CDAN1: variants seen among roughly 807,000 people sequenced by gnomAD.
CDAN1 encodes the protein codanin 1, also known as codanin-1.
In CDAN1, 107 loss-of-function variants were observed where a neutral mutation model predicts 139.8. The observed-to-expected ratio is 0.77, with a 90% confidence interval of 0.65 to 0.90. The LOEUF is 0.90. Among genes scored for constraint, CDAN1 ranks in the 40% least tolerant of loss-of-function variants. The pLI is 0.00. For synonymous variants in CDAN1, 776 were observed against 660.6 expected (o/e 1.17, Z -2.68); for missense variants, 1,667 against 1,575.7 (o/e 1.06, Z -0.98).
chr15:42,730,882 G>C (rs777055671), intron 13 of CDAN1, 43 bp downstream of exon 13: 1 of 1,613,928 alleles, frequency 6.2e-7, no homozygotes, highest in Non-Finnish European at 8.5e-7. Flanking sequence ...TGCCTGGCCG[G>C]TCCTCCCTGC....
chr15:42,735,179 C>G lies in CDAN1; in HGVS notation c.1058-1G>C. The G allele has an allele frequency of 6.2e-7, 1 of 1,613,128 alleles. No homozygotes were observed. Among genetic ancestry groups the G allele is most frequent in the Non-Finnish European group, 8.5e-7 (1 of 1,179,120 alleles). ...TGGAACAGTGGACTTTCCAGGGAAT[C>G]TAGAAGGACAGTACCAAGCTGTCAG... On this transcript the variant is annotated splice_acceptor_variant, in intron 5 of 27. Transcript: ENST00000356231. LOFTEE classifies it high-confidence loss of function.
intron 23 of CDAN1, 48 bp from the exon 24 acceptor site, chr15:42,726,465 C>A: frequency 6.9e-7 from 1 of 1,450,302 alleles, no homozygotes; most frequent in African/African-American, 1.4e-5. Context: ...GGCCAGGATG[C>A]CACAGAGAAT....
chr15:42,727,924 G>T, intron 22 of CDAN1, 31 bp downstream of exon 22: 1 of 1,609,278 alleles, frequency 6.2e-7, no homozygotes, highest in Non-Finnish European at 8.5e-7. Context: ...TTAAACACTT[G>T]ATTCAGCCAC....
chr15:42,733,331 A>G (rs1376945518), intron 8 of CDAN1, 145 bp from the exon 9 acceptor site: 3 of 725,536 alleles, frequency 4.1e-6, no homozygotes, highest in Admixed American at 2.0e-5. Context: ...CTGGATTGCA[A>G]TGACGCGATC....
intron 23 of CDAN1, 61 bp downstream of exon 23, chr15:42,727,560 A>G: frequency 7.0e-7 from 1 of 1,431,624 alleles, no homozygotes; most frequent in Non-Finnish European, 9.3e-7. Flanking sequence ...GAAAGGAAAA[A>G]CCAGGAACAG....
rs1021562520 is a variant in CDAN1, at chr15:42,731,068, C to T, written c.1864G>A (p.Glu622Lys). 4 of 1,614,204 alleles carry T rather than the reference C, an allele frequency of 2.5e-6. No individual in the cohort carries two copies. The Admixed American group carries it at 5.0e-5, about 20-fold the overall frequency. Reference protein sequence around the residue: ...DGESDVDWQGERKQFAVVLLS... With the variant: ...DGESDVDWQGKRKQFAVVLLS... ...AGCACCACAGCAAATTGCTTCCGCT[C>T]ACCCTGCATGGAATCAAGGGAAGTA... Residue 622 changes from glutamate (E) to lysine (K), a missense_variant, in exon 13 of 28, where the codon GAG (glutamate) becomes AAG (lysine). This residue lies in a region of CDAN1 where 936 missense variants were observed against 844.1 expected (regional missense o/e 1.11). Coordinates refer to ENST00000356231, the MANE Select transcript of CDAN1 (RefSeq NM_138477.4).
At chr15:42,729,479 A>G (rs2061580120) in intron 17 of CDAN1, 89 bp downstream of exon 17, 35 of 1,600,906 alleles carry the variant, frequency 2.2e-5, no homozygotes, top group Non-Finnish European at 3.0e-5. Flanking sequence ...TGAACGGAGC[A>G]ATATCCAAGG....
In CDAN1 at chr15:42,736,482, T is replaced by C. The variant is rs2061689849; in HGVS notation, c.389A>G (p.Glu130Gly). 1.4e-6 allele frequency: 2 copies of C among 1,464,460 alleles called. No individual in the cohort carries two copies. The highest frequency in any genetic ancestry group is 5.2e-5 in the Admixed American group (2 of 38,258). 90.7% of individuals were successfully genotyped at this position (1,464,460 alleles called of 1,614,324 possible). A position where few individuals can be genotyped will look rare whatever the true frequency, so the allele number is the denominator to read the frequency against. Residue 130 changes from glutamate (E) to glycine (G), a missense_variant, in exon 2 of 28, where the codon GAG becomes GGG. Physicochemically the swap from Glu to Gly is moderately conservative, Grantham distance 98 (BLOSUM62 -2). Around this residue, in one of 3 missense-constraint regions of CDAN1, gnomAD observed 487 missense variants for 422.2 expected, o/e 1.15. Transcript: ENST00000356231. ...CTCCTCCAGGCCGCGGCCTCCACGC[T>C]CGCGGGCCGGCCCCGGGCCCCGCCT... ...GRRRGPGPAR[E>G]RGGRGLEEGV...
chr15:42,732,432 A>C (rs372236416), intron 9 of CDAN1, 24 bp from the exon 10 acceptor site: 2 of 1,606,370 alleles, frequency 1.2e-6, no homozygotes, highest in African/African-American at 2.7e-5. Context: ...GGCAGGAATG[A>C]AGGGTGTGGA....
chr15:42,731,196 G>C lies in CDAN1; in HGVS notation c.1860+15C>G, dbSNP rs1566984763. 1 of 1,614,126 alleles carries C rather than the reference G, an allele frequency of 6.2e-7. No homozygotes were observed. On this transcript the variant is annotated intron_variant, in intron 12 of 27. Transcript: ENST00000356231. ...TGGGTCAGACCCCATTATTTCCCTTGTTCTGTTTTCGGACCTGCCAGTCTA... is the reference window on the plus strand; with the variant it reads ...TGGGTCAGACCCCATTATTTCCCTTCTTCTGTTTTCGGACCTGCCAGTCTA...
chr15:42,733,077 G>T lies in CDAN1; in HGVS notation c.1457+20C>A. On this transcript the variant is annotated intron_variant, in intron 9 of 27. Transcript: ENST00000356231. ...GCTACTCATTGCCAGGAACAAGAAA[G>T]ACAAGGTCTGAGCACCCACCTGATT... The T allele has an allele frequency of 6.2e-7, 1 of 1,611,474 alleles. No homozygotes were observed. Among genetic ancestry groups the T allele is most frequent in the Non-Finnish European group, 8.5e-7 (1 of 1,177,646 alleles).
chr15:42,728,163 AACTGCCTG>A (rs1456240932), intron 21 of CDAN1, 33 bp downstream of exon 21: 1 of 1,609,804 alleles, frequency 6.2e-7, no homozygotes, highest in African/African-American at 1.3e-5. Flanking sequence ...ACCTCCCCAC[AACTGCCTG>A]GCCTGCTAGC....
chr15:42,727,881 CA>C (rs2061552897), intron 22 of CDAN1, 73 bp downstream of exon 22: 1 of 1,599,624 alleles, frequency 6.3e-7, no homozygotes, highest in Non-Finnish European at 8.6e-7. Context: ...CCATCGCCCA[CA>C]AGATGCCTCT....
At chr15:42,725,275 G>A in intron 26 of CDAN1, 24 bp from the exon 27 acceptor site, 1 of 1,604,824 alleles carries the variant, frequency 6.2e-7, no homozygotes, top group Non-Finnish European at 8.5e-7. Context: ...CGAGGTCAGG[G>A]TTGCTAGGAG....
At chr15:42,735,228 C>T in intron 5 of CDAN1, 33 bp downstream of exon 5, 1 of 1,600,234 alleles carries the variant, frequency 6.2e-7, no homozygotes. Flanking sequence ...CGTTTCTAGA[C>T]CCCATGTCTC....
At position 42,736,745 on chromosome 15, in the gene CDAN1, G is replaced by C. The variant is rs754222678; in HGVS notation, c.126C>G (p.Leu42=). The change falls in exon 2 of 28, where the codon CTC becomes CTG. Residue 42 remains leucine (L), a synonymous_variant. Coordinates refer to ENST00000356231, the MANE Select transcript of CDAN1 (RefSeq NM_138477.4). The part of the protein sequence containing the change: ...NAGEAAALSS[L]RALRKEFVPF... Reference sequence around the variant, plus strand: ...GTACGAATTCTTTCCGCAGGGCCCGGAGTGAGCTCAGCGCGGCCGCCTCCC... The same window carrying C: ...GTACGAATTCTTTCCGCAGGGCCCGCAGTGAGCTCAGCGCGGCCGCCTCCC... The C allele has an allele frequency of 6.4e-7, 1 of 1,556,998 alleles. No homozygotes were observed. Among genetic ancestry groups the C allele is most frequent in the Non-Finnish European group, 8.6e-7 (1 of 1,156,412 alleles).
intron 6 of CDAN1, among the ~76,000 whole-genome samples, chr15:42,734,855 G>A (rs1041075237): frequency 2.1e-5 from 3 of 145,372 alleles, no homozygotes; most frequent in Admixed American, 1.4e-4. Context: ...CTGGGCCTAA[G>A]TCACTGTCCT....
rs1399552072 is a variant in CDAN1, at chr15:42,726,399, C to T, written c.3115G>A (p.Val1039Met). The T allele has an allele frequency of 8.8e-6, 14 of 1,596,068 alleles. No homozygotes were observed. The highest frequency in any genetic ancestry group is 2.3e-5 in the East Asian group (1 of 44,036). The stretch of plus-strand genomic sequence containing the variant: ...CCCTCGTCAGGGTCCCGTGGCCCCA[C>T]GGCCAAGGAGAGCACGTCCTGTGAA... ...SEIKDVLSLA[V>M]GPRDPDEGVS... is the part of the protein sequence containing the mutation. Residue 1039 changes from valine (V) to methionine (M), a missense_variant, in exon 24 of 28, where the codon GTG (valine) becomes ATG (methionine). Physicochemically the swap from Val to Met is conservative, Grantham distance 21. Transcript: ENST00000356231.
intron 19 of CDAN1, 58 bp from the exon 20 acceptor site, chr15:42,728,868 A>G: frequency 6.2e-7 from 1 of 1,610,978 alleles, no homozygotes; most frequent in Admixed American, 1.7e-5. Context: ...AAGAGGCTGA[A>G]AATTTATGGG....
Sources: gnomAD v4.1 joint callset for allele counts (sites outside exome capture counted in the v4.1 genomes callset) on GRCh38, gnomAD v4.1.1 for gene constraint, gnomAD v4.1.1 regional missense constraint, MANE v1.5 for transcripts, NCBI Gene and HGNC (gene_info 2026-07-23, HGNC 2026-07-21) for gene names.